The following TTN variants were observed in gnomAD, a reference collection of about 807,000 sequenced individuals.
TTN encodes the protein titin, also known as connectin.
In TTN, 1,525 loss-of-function variants were observed where a neutral mutation model predicts 3,223.0. That is an observed-to-expected ratio of 0.47 (90% confidence interval 0.45 to 0.49). TTN has a LOEUF of 0.49. Ranked by LOEUF, TTN falls within the 20% of genes least tolerant of loss-of-function variation. TTN has a pLI of 0.00. For synonymous variants in TTN, 14,094 were observed against 15,161.0 expected, an observed-to-expected ratio of 0.93 and a Z score of 5.17; for missense variants, 40,786 against 43,424.0, an observed-to-expected ratio of 0.94 and a Z score of 5.40.
At chr2:178,680,663 A>T (rs1301312714) in intron 138 of TTN, among the ~76,000 whole-genome samples, 2 of 152,028 alleles carry the variant, frequency 1.3e-5, no homozygotes, top group African/African-American at 4.8e-5. Context: ...CTTAGTATGA[A>T]TCAGGGGGAA....
In TTN at chr2:178,532,351, T is replaced by C; in HGVS notation, c.104264A>G (p.Tyr34755Cys). Residue 34755 changes from tyrosine (Y) to cysteine (C), a missense_variant, in exon 358 of 363, where the codon TAC becomes TGC. Transcript: ENST00000589042. ...TCTTTGCCGTTGCTTTGGCTGTCTG[T>C]ACGCAGCCTGGGCATGCCGTTCCCT... ...ELRERHAQAA[Y>C]RQPKQRQRIM... The C allele has an allele frequency of 6.2e-7, 1 of 1,614,038 alleles. No homozygotes were observed. Among genetic ancestry groups the C allele is most frequent in the Non-Finnish European group, 8.5e-7 (1 of 1,179,884 alleles).
Position 178,539,070 on chromosome 2 carries a change from T to C in TTN, c.98865A>G (p.Thr32955=). ...GAACAAGCCCTGTGACAGTGTACAT[T>C]GTGGTGGTGATCTGAGTCTTGTTGT... ...VRHNKTQITT[T]MYTVTGLVPD... is the part of the protein sequence containing the mutation. Residue 32955 remains threonine (T), a synonymous_variant, in exon 353 of 363, where the codon ACA becomes ACG. Transcript: ENST00000589042. 6.2e-7 allele frequency: 1 copy of C among 1,613,762 alleles called. No individual in the cohort carries two copies. Among genetic ancestry groups the C allele is most frequent in the Non-Finnish European group, 8.5e-7 (1 of 1,179,730 alleles).
Position 178,609,720 on chromosome 2 carries a change from G to A in TTN, c.51703C>T (p.Arg17235Trp), listed in dbSNP as rs373860372. The change falls in exon 272 of 363, where the codon CGG becomes TGG. Residue 17235 changes from arginine (R) to tryptophan (W), a missense_variant. Coordinates refer to ENST00000589042, the MANE Select transcript of TTN (RefSeq NM_001267550.2). ...ENAAGISEPS[R>W]ATPPTKAVDP... ...ACAGCTTTGGTTGGAGGAGTAGCCC[G>A]AGAAGGTTCACTAATACCCGCGGCG... The A allele has an allele frequency of 1.0e-5, 16 of 1,607,684 alleles. No individual in the cohort carries two copies. Among genetic ancestry groups the A allele is most frequent in the East Asian group, 4.5e-5 (2 of 44,696 alleles).
chr2:178,761,292 T>G (rs1205009949), intron 43 of TTN, among the ~76,000 whole-genome samples: 1 of 152,116 alleles, frequency 6.6e-6, no homozygotes. Flanking sequence ...CAGTATCACT[T>G]CTAAAAAGTA....
In TTN at chr2:178,770,569, G is replaced by A. The variant is rs1434397184; in HGVS notation, c.8223C>T (p.Ile2741=). 7 of 1,614,062 alleles carry A rather than the reference G, an allele frequency of 4.3e-6. No individual in the cohort carries two copies. In the South Asian group the frequency reaches 6.6e-5, roughly 15 times the overall value. ...THPNVKGVQW[I]KNGVVLESNE... ...TGGATTCCAGCACAACTCCATTTTT[G>A]ATCCACTGGACACCTTTGACATTAG... The change falls in exon 35 of 363, where the codon ATC becomes ATT. Residue 2741 remains isoleucine (I), a synonymous_variant. Transcript: ENST00000589042.
Position 178,604,285 on chromosome 2 carries a change from A to T in TTN, c.54402T>A (p.Asn18134Lys), listed in dbSNP as rs1020792831. The change falls in exon 282 of 363, where the codon AAT becomes AAA. Residue 18134 changes from asparagine to lysine, a missense_variant. By Grantham distance (94) the Asn-to-Lys change is moderately conservative. Coordinates refer to ENST00000589042, the MANE Select transcript of TTN (RefSeq NM_001267550.2). ...CCCTGACTCGGAACTCATACTGACC[A>T]TTGGGGATAAGTTTCCAGATCTAGA... The part of the protein sequence containing the change: ...KRYGIWKLIP[N>K]GQYEFRVRAV... The T allele has an allele frequency of 2.0e-6, 3 of 1,479,878 alleles. No homozygotes were observed. The Middle Eastern group carries it at 5.5e-4, about 270-fold the overall frequency. 91.7% of individuals were successfully genotyped at this position (1,479,878 alleles called of 1,614,324 possible).
intron 248 of TTN, 23 bp downstream of exon 248, chr2:178,620,194 G>A (rs759677019): frequency 6.4e-7 from 1 of 1,551,094 alleles, no homozygotes; most frequent in African/African-American, 1.4e-5. Flanking sequence ...TACAGAAATA[G>A]AGAATAAAAA....
At chr2:178,747,465 C>T (rs956717392) in intron 47 of TTN, 2 of 1,613,282 alleles carry the variant, frequency 1.2e-6, no homozygotes, top group Non-Finnish European at 1.7e-6. Context: ...GATATTTCTT[C>T]ACTGGTTGTA....
At chr2:178,800,779 T>C in intron 3 of TTN, 97 bp from the exon 4 acceptor site, 1 of 1,374,372 alleles carries the variant, frequency 7.3e-7, no homozygotes, top group Admixed American at 2.4e-5. Context: ...AACCAGGTGA[T>C]GACTCGCCAA....
chr2:178,532,074 A>G lies in TTN; in HGVS notation c.104541T>C (p.Tyr34847=), dbSNP rs750079478. ...CAGACACTGGCCTCATTAACTCAAT[A>G]TAAGTTGGAGACAGGGAGCGCCGTC... ...LRRRRSLSPT[Y]IELMRPVSEL... Residue 34847 remains tyrosine, a synonymous_variant, in exon 358 of 363, where the codon TAT becomes TAC. Coordinates refer to ENST00000589042, the MANE Select transcript of TTN (RefSeq NM_001267550.2). 6.8e-6 allele frequency: 11 copies of G among 1,613,934 alleles called. No homozygotes were observed. The highest frequency in any genetic ancestry group is 9.3e-6 in the Non-Finnish European group (11 of 1,179,872).
At chr2:178,703,665 A>G (rs2075368469) in intron 106 of TTN, among the ~76,000 whole-genome samples, 1 of 152,238 alleles carries the variant, frequency 6.6e-6, no homozygotes, top group African/African-American at 2.4e-5. Context: ...AGGTTGAAAC[A>G]TGATCTGAAA....
In TTN at chr2:178,749,663, A is replaced by G. The variant is rs529978516; in HGVS notation, c.11311+3461T>C. ...TCTATAAGTGACAGGCTCCACTGTT[A>G]GATCTGAAACACTTTCAACTGCCCC... On this transcript the variant is annotated intron_variant, in intron 47 of 362. Coordinates refer to ENST00000589042, the MANE Select transcript of TTN (RefSeq NM_001267550.2). 26 of 1,612,904 alleles carry G rather than the reference A, an allele frequency of 1.6e-5. No individual in the cohort carries two copies. In the South Asian group the frequency reaches 2.3e-4, roughly 14 times the overall value.
rs1360429703 is a variant in TTN at position 178,546,863 on chromosome 2, G to A, written c.94565C>T (p.Thr31522Ile). The A allele has an allele frequency of 6.3e-7, 1 of 1,599,032 alleles. No homozygotes were observed. The highest frequency in any genetic ancestry group is 1.7e-5 in the Admixed American group (1 of 59,506). Residue 31522 changes from threonine to isoleucine, a missense_variant, in exon 341 of 363, where the codon ACA becomes ATA. Coordinates refer to ENST00000589042, the MANE Select transcript of TTN (RefSeq NM_001267550.2). ...RPEVTDVTRS[T>I]VSLIWSAPAY... ...TGGGGCAGACCAAATCAGTGATACTGTTGATCTTGTGACATCTGTCACCTC... is the reference window on the plus strand; with the variant it reads ...TGGGGCAGACCAAATCAGTGATACTATTGATCTTGTGACATCTGTCACCTC...
chr2:178,747,251 C>T (rs2083921397), intron 47 of TTN: 2 of 1,612,818 alleles, frequency 1.2e-6, no homozygotes, highest in African/African-American at 2.7e-5. Flanking sequence ...TGTGGAGTAT[C>T]TTTCTCCTAC....
chr2:178,692,617 A>G, intron 119 of TTN, 37 bp from the exon 120 acceptor site: 1 of 1,438,840 alleles, frequency 7.0e-7, no homozygotes, highest in South Asian at 1.4e-5. Flanking sequence ...GAAAGTGTGC[A>G]TTTGACAAGG....
intron 290 of TTN, 38 bp from the exon 291 acceptor site, chr2:178,599,100 A>G (rs767164179): frequency 1.6e-5 from 24 of 1,508,642 alleles, no homozygotes; most frequent in Non-Finnish European, 2.1e-5. Context: ...GAAATTTAAA[A>G]AAAAAGTAAA....
rs1313830025 is a variant in TTN, at chr2:178,536,126, A to G, written c.100621T>C (p.Leu33541=). The G allele has an allele frequency of 3.1e-6, 5 of 1,613,584 alleles. No homozygotes were observed. Among genetic ancestry groups the G allele is most frequent in the Non-Finnish European group, 3.4e-6 (4 of 1,179,698 alleles). ...TTAAATTCTTGAATCCTATATTTTA[A>G]TCCATCTGCAATGATTTCTTTGCCT... ...RQGKEIIADG[L]KYRIQEFKGG... Residue 33541 remains leucine (L), a synonymous_variant, in exon 357 of 363, where the codon TTA becomes CTA. Transcript: ENST00000589042.
intron 22 of TTN, chr2:178,779,718 A>C: frequency 1.9e-6 from 1 of 533,362 alleles, no homozygotes; most frequent in South Asian, 2.3e-5. Context: ...ACAGATGAAG[A>C]GATCTTGGCA....
intron 41 of TTN, among the ~76,000 whole-genome samples, chr2:178,765,015 G>A (rs1004062054): frequency 1.3e-5 from 2 of 152,178 alleles, no homozygotes; most frequent in Admixed American, 6.5e-5. Context: ...CACATGCAGA[G>A]GGAATAGCTT....
Sources: allele counts gnomAD v4.1 joint callset (sites outside exome capture counted in the v4.1 genomes callset), GRCh38; gene constraint gnomAD v4.1.1; transcripts MANE v1.5; gene names NCBI Gene and HGNC (gene_info 2026-07-23, HGNC 2026-07-21).